UIMC1: variants seen among roughly 807,000 people sequenced by gnomAD.
UIMC1 encodes the protein BRCA1-A complex subunit RAP80.
A neutral mutation model predicts 84.9 loss-of-function variants in UIMC1; 42 were observed. The ratio of observed to expected loss-of-function variants is 0.49; its 90% confidence interval spans 0.39 to 0.64. UIMC1 has a LOEUF of 0.64. Ranked by LOEUF, UIMC1 falls within the 30% of genes least tolerant of loss-of-function variation. The pLI is 0.00. For missense variants in UIMC1, 825 were observed against 847.6 expected (o/e 0.97, Z 0.33); for synonymous variants, 281 against 293.0 (o/e 0.96, Z 0.42).
In UIMC1 at chr5:177,004,330, G is replaced by C. The variant is rs141399164; in HGVS notation, c.-9+2320C>G. Reference sequence around the variant, plus strand: ...AATTCCAAAATTTCCAGTGCTTCATGAGATTTAGCCACATTAAATTACTGT... The same window carrying C: ...AATTCCAAAATTTCCAGTGCTTCATCAGATTTAGCCACATTAAATTACTGT... On this transcript the variant is annotated intron_variant, in intron 1 of 14. Transcript: ENST00000511320. 1.9e-3 allele frequency among the ~76,000 whole-genome samples: 293 copies of C among 152,276 alleles called. 1 individual carries two copies. Among genetic ancestry groups the C allele is most frequent in the Non-Finnish European group, 3.0e-3 (206 of 68,028 alleles).
intron 6 of UIMC1, among the ~76,000 whole-genome samples, chr5:176,963,466 A>C (rs1767851793): frequency 6.6e-6 from 1 of 151,148 alleles, no homozygotes; most frequent in African/African-American, 2.4e-5. Flanking sequence ...GGTTGCAGTG[A>C]GCTGAGATCG....
At chr5:177,019,884 A>G (rs1475504216) in intron 1 of UIMC1, among the ~76,000 whole-genome samples, 1 of 151,924 alleles carries the variant, frequency 6.6e-6, no homozygotes, top group Non-Finnish European at 1.5e-5. Flanking sequence ...GTGAACTGAG[A>G]TGGTGCCACT....
intron 8 of UIMC1, among the ~76,000 whole-genome samples, chr5:176,954,379 A>T (rs1766310474): frequency 6.6e-6 from 1 of 151,954 alleles, no homozygotes. Flanking sequence ...GTAGTCTCTT[A>T]GTGGGTATTG....
At chr5:177,007,736 G>A (rs957503324), upstream of UIMC1, among the ~76,000 whole-genome samples, 1 of 152,144 alleles carries the variant, frequency 6.6e-6, no homozygotes, top group African/African-American at 2.4e-5. Flanking sequence ...TGGTAAAGGG[G>A]TGAAAGAAGG....
chr5:176,913,580 T>A (rs182165502), intron 10 of UIMC1, among the ~76,000 whole-genome samples: 1 of 152,350 alleles, frequency 6.6e-6, no homozygotes, highest in East Asian at 1.9e-4. Context: ...ACTGATTCAG[T>A]CAAGGCTGTG....
chr5:176,943,837 C>T lies in UIMC1; in HGVS notation c.1444-349G>A, dbSNP rs1400582477. ...GTTATTAGCACACTCCTTTTGTACA[C>T]GTGAGAAAAGTACTTGTGTAAAACA... On this transcript the variant is annotated intron_variant, in intron 9 of 14. Transcript: ENST00000511320. Among the ~76,000 whole-genome samples the T allele has an allele frequency of 2.6e-5, 4 of 152,138 alleles. No individual in the cohort carries two copies. The East Asian group carries it at 7.7e-4, about 29-fold the overall frequency.
At chr5:176,988,679 ATTTTTT>A (rs377752493) in intron 1 of UIMC1, among the ~76,000 whole-genome samples, 1 of 135,774 alleles carries the variant, frequency 7.4e-6, no homozygotes, top group Non-Finnish European at 1.6e-5. Flanking sequence ...TGTTAGGTGA[ATTTTTT>A]TTTTTTTTTT....
intron 1 of UIMC1, among the ~76,000 whole-genome samples, chr5:176,986,989 G>A (rs1291784989): frequency 3.3e-5 from 5 of 152,194 alleles, no homozygotes; most frequent in Non-Finnish European, 7.4e-5. Flanking sequence ...GGAGGCTGAG[G>A]CGGGCAGATT....
chr5:177,017,041 T>C (rs1229185112), intron 1 of UIMC1, among the ~76,000 whole-genome samples: 1 of 151,802 alleles, frequency 6.6e-6, no homozygotes, highest in African/African-American at 2.4e-5. Context: ...AAATGAAATA[T>C]GAAATGAAAT....
intron 10 of UIMC1, among the ~76,000 whole-genome samples, chr5:176,916,595 T>C (rs981590434): frequency 6.6e-6 from 1 of 152,216 alleles, no homozygotes; most frequent in Non-Finnish European, 1.5e-5. Context: ...TTAATGAGTT[T>C]TGCTAACAAT....
intron 2 of UIMC1, among the ~76,000 whole-genome samples, chr5:176,980,611 A>G (rs932283664): frequency 3.9e-5 from 6 of 152,130 alleles, no homozygotes; most frequent in African/African-American, 1.4e-4. Context: ...TTTTCATTTC[A>G]TATCTTTCTA....
intron 1 of UIMC1, among the ~76,000 whole-genome samples, chr5:177,016,990 T>A (rs1156848678): frequency 6.6e-6 from 1 of 152,188 alleles, no homozygotes; most frequent in South Asian, 2.1e-4. Context: ...GCCATTGCAC[T>A]CCAGCCTGGG....
chr5:176,965,446 A>AGG (rs1768148004), intron 6 of UIMC1, among the ~76,000 whole-genome samples: 1 of 151,732 alleles, frequency 6.6e-6, no homozygotes, highest in Non-Finnish European at 1.5e-5. Flanking sequence ...CTTCTGAGAT[A>AGG]CCTCGCTTCC....
intron 10 of UIMC1, among the ~76,000 whole-genome samples, chr5:176,928,898 A>G (rs1204749151): frequency 6.8e-6 from 1 of 147,920 alleles, no homozygotes; most frequent in East Asian, 2.0e-4. Flanking sequence ...TTGCAGTGAG[A>G]GGAGATCGCG....
chr5:176,919,729 T>C (rs956937009), intron 10 of UIMC1, among the ~76,000 whole-genome samples: 1 of 152,240 alleles, frequency 6.6e-6, no homozygotes, highest in African/African-American at 2.4e-5. Context: ...GTCCCAGCAC[T>C]ACATATTGAG....
At chr5:176,946,817 A>G (rs1554117889) in intron 9 of UIMC1, among the ~76,000 whole-genome samples, 1 of 152,218 alleles carries the variant, frequency 6.6e-6, no homozygotes, top group Non-Finnish European at 1.5e-5. Context: ...CCTAGGCAAC[A>G]GAGGGAGACC....
intron 4 of UIMC1, chr5:176,970,225 T>C (rs756531201): frequency 3.5e-5 from 6 of 171,796 alleles, no homozygotes; most frequent in Non-Finnish European, 6.0e-5. Context: ...TGAGCCAAGA[T>C]TGTGCCACTG....
chr5:176,932,983 C>A (rs771983366), intron 10 of UIMC1, among the ~76,000 whole-genome samples: 1 of 151,580 alleles, frequency 6.6e-6, no homozygotes, highest in Non-Finnish European at 1.5e-5. Flanking sequence ...CTTTTCCCCA[C>A]ATCAGTGCCA....
chr5:176,937,020 G>C (rs1294562751), intron 10 of UIMC1, among the ~76,000 whole-genome samples: 1 of 152,192 alleles, frequency 6.6e-6, no homozygotes, highest in Non-Finnish European at 1.5e-5. Context: ...CACTGTATCT[G>C]TTATATAGTA....
Sources: gnomAD v4.1 joint callset for allele counts (sites outside exome capture counted in the v4.1 genomes callset) on GRCh38, gnomAD v4.1.1 for gene constraint, MANE v1.5 for transcripts, NCBI Gene and HGNC (gene_info 2026-07-23, HGNC 2026-07-21) for gene names.